TRERF1: variants seen among roughly 807,000 people sequenced by gnomAD.
TRERF1 encodes transcriptional-regulating factor 1.
TRERF1 carries 27 observed loss-of-function variants against 122.9 expected under a neutral mutation model. The ratio of observed to expected loss-of-function variants is 0.22; its 90% CI spans 0.16 to 0.30. The LOEUF is 0.30. TRERF1 is among the 10% of genes least tolerant of loss of function. The probability of loss-of-function intolerance (pLI) is 1.00; values close to 1 mark genes in which losing one functional copy is unlikely to be tolerated. For synonymous variants in TRERF1, 636 were observed against 641.7 expected (o/e 0.99, Z 0.13); for missense variants, 1,248 against 1,560.3 (o/e 0.80, Z 3.37).
intron 3 of TRERF1, among the ~76,000 whole-genome samples, chr6:42,306,291 C>G (rs1365713090): frequency 1.3e-5 from 2 of 152,088 alleles, no homozygotes; most frequent in Non-Finnish European, 2.9e-5. Flanking sequence ...TGTGAGCCAC[C>G]ACGCCCGGCC....
rs1199656817 is a variant in TRERF1 at position 42,371,661 on chromosome 6, C to G, written c.-453-8582G>C. Among the ~76,000 whole-genome samples, 4 of 152,176 alleles carry G rather than the reference C, an allele frequency of 2.6e-5. No homozygotes were observed. In the East Asian group the frequency reaches 7.7e-4, roughly 29 times the overall value. On this transcript the variant is annotated intron_variant, in intron 2 of 17. Coordinates refer to ENST00000372922, the Ensembl canonical transcript of TRERF1. ...CAAAACACAGATTGGCATGCTCAAC[C>G]AGATGCATCTGTGACCTGTGTGAGG... is the stretch of plus-strand genomic sequence containing the variant.
At chr6:42,417,083 T>C (rs1185746271) in intron 2 of TRERF1, among the ~76,000 whole-genome samples, 1 of 152,128 alleles carries the variant, frequency 6.6e-6, no homozygotes, top group Non-Finnish European at 1.5e-5. Context: ...TAAGGCCTCA[T>C]CTTTTCTCAC....
chr6:42,281,608 C>T (rs999069066), intron 4 of TRERF1, among the ~76,000 whole-genome samples: 2 of 152,304 alleles, frequency 1.3e-5, no homozygotes, highest in African/African-American at 4.8e-5. Flanking sequence ...GAGCCAATCC[C>T]CTTCTCCAGA....
At chr6:42,299,327 T>C (rs1785734423) in intron 4 of TRERF1, among the ~76,000 whole-genome samples, 1 of 151,892 alleles carries the variant, frequency 6.6e-6, no homozygotes, top group Non-Finnish European at 1.5e-5. Flanking sequence ...GAAAATGAAA[T>C]GAGGGGGGAA....
intron 2 of TRERF1, among the ~76,000 whole-genome samples, chr6:42,367,577 A>G (rs1772982974): frequency 1.3e-5 from 2 of 152,056 alleles, no homozygotes; most frequent in Admixed American, 6.5e-5. Flanking sequence ...CCACCGCACC[A>G]AGATCTTCCT....
chr6:42,320,190 C>T (rs1267804964), intron 3 of TRERF1, among the ~76,000 whole-genome samples: 2 of 152,190 alleles, frequency 1.3e-5, no homozygotes, highest in East Asian at 1.9e-4. Context: ...TGAGCCACCG[C>T]ACCCAGCCAT....
At chr6:42,344,164 G>A (rs1031333990) in intron 3 of TRERF1, among the ~76,000 whole-genome samples, 6 of 152,244 alleles carry the variant, frequency 3.9e-5, no homozygotes, top group African/African-American at 4.8e-5. Context: ...CCAGACTGGA[G>A]ACCCTGCTCC....
intron 4 of TRERF1, among the ~76,000 whole-genome samples, chr6:42,272,989 C>A (rs573730159): frequency 6.6e-6 from 1 of 152,230 alleles, no homozygotes; most frequent in South Asian, 2.1e-4. Context: ...TTGAACCTGC[C>A]ATGCTCCCTT....
In TRERF1 at chr6:42,301,076, T is replaced by C. The variant is rs76212342; in HGVS notation, c.-370-327A>G. ...AGAGAGACAGAGAGAGATCTGAGTTTCATTATAATATCATTTGCTAAGTGC... is the reference window on the plus strand; with the variant it reads ...AGAGAGACAGAGAGAGATCTGAGTTCCATTATAATATCATTTGCTAAGTGC... On this transcript the variant is annotated intron_variant, in intron 3 of 17. Transcript: ENST00000372922. 6.3e-3 allele frequency among the ~76,000 whole-genome samples: 966 copies of C among 152,252 alleles called. 12 individuals are homozygous for C. Among genetic ancestry groups the C allele is most frequent in the African/African-American group, 0.02 (832 of 41,526 alleles).
At chr6:42,438,142 G>A (rs571409140) in intron 2 of TRERF1, among the ~76,000 whole-genome samples, 34 of 151,322 alleles carry the variant, frequency 2.2e-4, no homozygotes, top group African/African-American at 7.3e-4. Flanking sequence ...GGCTGGTCTC[G>A]AACTCCTGAC....
intron 4 of TRERF1, among the ~76,000 whole-genome samples, chr6:42,274,885 T>C (rs1293379361): frequency 6.6e-6 from 1 of 152,166 alleles, no homozygotes; most frequent in Non-Finnish European, 1.5e-5. Flanking sequence ...TTATCCTAAA[T>C]AAATGCCTGT....
intron 13 of TRERF1, among the ~76,000 whole-genome samples, chr6:42,249,300 C>T (rs1775335913): frequency 6.6e-6 from 1 of 152,340 alleles, no homozygotes; most frequent in African/African-American, 2.4e-5. Flanking sequence ...AAGACACTAA[C>T]AGGGCCATCC....
intron 3 of TRERF1, among the ~76,000 whole-genome samples, chr6:42,356,863 C>T (rs114688804): frequency 0.095 from 14,464 of 152,082 alleles, 1,064 homozygotes; most frequent in African/African-American, 0.2. Flanking sequence ...TGAGCCATTG[C>T]GCCCGGCCCA....
At position 42,275,619 on chromosome 6, in the gene TRERF1, T is replaced by C. The variant is rs1247404244; in HGVS notation, c.-258-5771A>G. ...ACAAACGCTCACTGAACTGCAACAC[T>C]GCGCTAGGCAAAGGAGACCTAGAGT... On this transcript the variant is annotated intron_variant, in intron 4 of 17. Coordinates refer to ENST00000372922, the Ensembl canonical transcript of TRERF1. This position sits in a 1 kb window ranked among gnomAD's most constrained non-coding sequence, Gnocchi z 4.1. Among the ~76,000 whole-genome samples the C allele has an allele frequency of 6.6e-6, 1 of 152,220 alleles. No homozygotes were observed. Among genetic ancestry groups the C allele is most frequent in the Non-Finnish European group, 1.5e-5 (1 of 68,036 alleles).
intron 4 of TRERF1, among the ~76,000 whole-genome samples, chr6:42,273,800 G>A (rs980688885): frequency 6.6e-6 from 1 of 152,184 alleles, no homozygotes; most frequent in Non-Finnish European, 1.5e-5. Flanking sequence ...TCCTTAAAAG[G>A]CTTATACAAA....
intron 13 of TRERF1, among the ~76,000 whole-genome samples, chr6:42,254,254 C>T (rs992499252): frequency 9.2e-5 from 14 of 152,298 alleles, no homozygotes; most frequent in African/African-American, 3.1e-4. Flanking sequence ...AGCTGCACGA[C>T]GTAGGACTCT....
intron 3 of TRERF1, among the ~76,000 whole-genome samples, chr6:42,334,037 A>ATATATG (rs530384104): frequency 4.6e-5 from 7 of 152,222 alleles, no homozygotes; most frequent in East Asian, 1.9e-4. Flanking sequence ...GTATGTACAC[A>ATATATG]TATATGTATA....
intron 4 of TRERF1, among the ~76,000 whole-genome samples, chr6:42,274,716 G>C (rs1780860737): frequency 6.6e-6 from 1 of 152,004 alleles, no homozygotes; most frequent in South Asian, 2.1e-4. Flanking sequence ...AAAAAAGAGA[G>C]AGAGAAAGAG....
At chr6:42,262,523 GAGAGAGAGAGAGAGAGAGAGAGAGAGAGA>G in intron 8 of TRERF1, among the ~76,000 whole-genome samples, 1 of 44,070 alleles carries the variant, frequency 2.3e-5, no homozygotes, top group African/African-American at 7.2e-5. Flanking sequence ...GAGAGAGAGA[GAGAGAGAGAGAGAGAGAGAGAGAGAGAGA>G]GAGAGAGAGA....
Sources: allele counts gnomAD v4.1 joint callset (sites outside exome capture counted in the v4.1 genomes callset), GRCh38; gene constraint gnomAD v4.1.1; non-coding constraint Gnocchi (gnomAD v3.1); transcripts MANE v1.5; gene names NCBI Gene and HGNC (gene_info 2026-07-23, HGNC 2026-07-21).